The following MS4A7 variants were observed in gnomAD, a reference collection of about 807,000 sequenced individuals.
MS4A7 encodes the protein membrane spanning 4-domains A7.
MS4A7 carries 21 observed loss-of-function variants against 23.5 expected under a neutral mutation model. That is an observed-to-expected ratio of 0.89 (90% CI 0.63 to 1.29). The LOEUF is 1.29. Ranked by LOEUF, MS4A7 falls within the 50% of genes most tolerant of loss-of-function variation. The pLI is 0.00. For missense variants in MS4A7, 263 were observed against 274.2 expected, an observed-to-expected ratio of 0.96 and a Z score of 0.29; for synonymous variants, 111 against 107.4, an observed-to-expected ratio of 1.03 and a Z score of -0.21.
At position 60,385,077 on chromosome 11, in the gene MS4A7, C is replaced by T. The variant is rs878990131; in HGVS notation, c.148-11C>T. ...AAGTGCAGTCTAGATTTCCTGTCTT[C>T]TCTCTTGTAGACTGTCCAGATCCTG... On this transcript the variant is annotated splice_polypyrimidine_tract_variant and intron_variant, in intron 2 of 6. Transcript: ENST00000300184. The T allele has an allele frequency of 6.2e-7, 1 of 1,612,532 alleles. No individual in the cohort carries two copies.
At chr11:60,393,742 C>T (rs2085579318) in intron 6 of MS4A7, 45 bp from the exon 7 acceptor site, 1 of 1,481,742 alleles carries the variant, frequency 6.7e-7, no homozygotes, top group Non-Finnish European at 9.3e-7. Context: ...TTTTTAATCT[C>T]CGAAATCAAA....
chr11:60,390,580 G>C (rs2085540049), intron 5 of MS4A7, among the ~76,000 whole-genome samples: 1 of 152,170 alleles, frequency 6.6e-6, no homozygotes. Flanking sequence ...AAGTGGAAGA[G>C]CACAGAGACC....
chr11:60,381,805 G>T (rs750727084), intron 1 of MS4A7, among the ~76,000 whole-genome samples: 1 of 152,072 alleles, frequency 6.6e-6, no homozygotes, highest in Non-Finnish European at 1.5e-5. Context: ...GCAGTAACTG[G>T]TGGATATGGG....
At chr11:60,380,532 A>G (rs979960643) in intron 1 of MS4A7, among the ~76,000 whole-genome samples, 1 of 152,258 alleles carries the variant, frequency 6.6e-6, no homozygotes, top group Non-Finnish European at 1.5e-5. Flanking sequence ...TGAAAGTATC[A>G]ATTAAACTTT....
chr11:60,393,517 T>G (rs1040760851), intron 6 of MS4A7, among the ~76,000 whole-genome samples: 1 of 152,196 alleles, frequency 6.6e-6, no homozygotes, highest in Non-Finnish European at 1.5e-5. Context: ...TTTTAAAATA[T>G]TTTCATTTCC....
rs976321831 is a variant in MS4A7 at position 60,383,045 on chromosome 11, A to G, written c.-13-84A>G. 24 of 1,432,244 alleles carry G rather than the reference A, an allele frequency of 1.7e-5. No individual in the cohort carries two copies. The Admixed American group carries it at 3.0e-4, about 18-fold the overall frequency. The allele number at this position is 1,432,244 out of a possible 1,614,324, so 88.7% of individuals were successfully genotyped here. The stretch of plus-strand genomic sequence containing the variant: ...TGGAATAATGGCAAATACCTTCTTA[A>G]GTTCCTACAAAGTATGGTCCCTGGG... On this transcript the variant is annotated intron_variant, in intron 1 of 6. Transcript: ENST00000300184.
intron 3 of MS4A7, among the ~76,000 whole-genome samples, chr11:60,385,424 G>C (rs577250537): frequency 5.6e-4 from 86 of 152,326 alleles, no homozygotes; most frequent in Middle Eastern, 6.8e-3. Context: ...TGCAGAGCAG[G>C]GGGCAAGAGG....
At chr11:60,389,803 TG>T in intron 5 of MS4A7, 1 of 566,564 alleles carries the variant, frequency 1.8e-6, no homozygotes. Flanking sequence ...GAGGAAATCA[TG>T]AAGGACAGTA....
intron 1 of MS4A7, among the ~76,000 whole-genome samples, chr11:60,379,823 C>A (rs2085410796): frequency 6.6e-6 from 1 of 152,236 alleles, no homozygotes; most frequent in Admixed American, 6.5e-5. Context: ...GCATGAGCCG[C>A]TGCACCCAGC....
intron 4 of MS4A7, among the ~76,000 whole-genome samples, chr11:60,387,374 A>C (rs1427933849): frequency 6.6e-6 from 1 of 152,196 alleles, no homozygotes; most frequent in Non-Finnish European, 1.5e-5. Context: ...AAGTTGAAAG[A>C]AGTCCATGAT....
rs1335251673 is a variant in MS4A7 at position 60,378,661 on chromosome 11, A to G, written c.-17A>G. 3.3e-5 allele frequency: 5 copies of G among 152,250 alleles called. No individual in the cohort carries two copies. Among genetic ancestry groups the G allele is most frequent in the African/African-American group, 1.2e-4 (5 of 41,458 alleles). The allele number at this position is 152,250 out of a possible 1,614,324, so 9.4% of individuals were successfully genotyped here. A position where few individuals can be genotyped will look rare whatever the true frequency, so the allele number is the denominator to read the frequency against. On this transcript the variant is annotated 5_prime_UTR_variant, in exon 1 of 7. Transcript: ENST00000300184. The stretch of plus-strand genomic sequence containing the variant: ...CAGCACACAGGACCAGGCTGCGAGA[A>G]CAGGTAGACACCTTGGTTTAGATCA...
chr11:60,392,347 C>T (rs2085562348), intron 5 of MS4A7, among the ~76,000 whole-genome samples: 1 of 151,794 alleles, frequency 6.6e-6, no homozygotes, highest in African/African-American at 2.4e-5. Context: ...GCATTGAGAC[C>T]ACTGCAGGAT....
rs187388278 is a variant in MS4A7, at chr11:60,383,017, C to T, written c.-13-112C>T. 7.9e-5 allele frequency: 94 copies of T among 1,191,154 alleles called. No individual in the cohort carries two copies. In the African/African-American group the frequency reaches 1.4e-3, roughly 17 times the overall value. The allele number at this position is 1,191,154 out of a possible 1,614,324, so 73.8% of individuals were successfully genotyped here. Reference sequence around the variant, plus strand: ...TGTTTTGTTTCTGAAGGACAACCAGCCTTGGAATAATGGCAAATACCTTCT... The same window carrying T: ...TGTTTTGTTTCTGAAGGACAACCAGTCTTGGAATAATGGCAAATACCTTCT... On this transcript the variant is annotated intron_variant, in intron 1 of 6. Coordinates refer to ENST00000300184, the MANE Select transcript of MS4A7 (RefSeq NM_021201.5).
At position 60,380,053 on chromosome 11, in the gene MS4A7, T is replaced by A. The variant is rs1229144134; in HGVS notation, c.-14+1389T>A. Among the ~76,000 whole-genome samples, 5 of 152,252 alleles carry A rather than the reference T, an allele frequency of 3.3e-5. No individual in the cohort carries two copies. The South Asian group carries it at 8.3e-4, about 25-fold the overall frequency. ...TTCTAGGTGCCTCACATAAGTAGAATCATACAATATTTGTCCTTTTGTGAC... is the reference window on the plus strand; with the variant it reads ...TTCTAGGTGCCTCACATAAGTAGAAACATACAATATTTGTCCTTTTGTGAC... On this transcript the variant is annotated intron_variant, in intron 1 of 6. Transcript: ENST00000300184.
At chr11:60,385,836 GT>G (rs2085480124) in intron 3 of MS4A7, among the ~76,000 whole-genome samples, 1 of 152,174 alleles carries the variant, frequency 6.6e-6, no homozygotes, top group Non-Finnish European at 1.5e-5. Flanking sequence ...CCCACAAAGG[GT>G]TATTTCTTCT....
At position 60,394,184 on chromosome 11, in the gene MS4A7, A is replaced by C; in HGVS notation, c.*323A>C. ...TAGTGTGAATTTGGTAAGTTGCGTG[A>C]CTCTGCAGGCTGTTTCTGTATTATT... On this transcript the variant is annotated 3_prime_UTR_variant, in exon 7 of 7. Transcript: ENST00000300184. 5.1e-6 allele frequency: 1 copy of C among 195,560 alleles called. No individual in the cohort carries two copies. Among genetic ancestry groups the C allele is most frequent in the Non-Finnish European group, 1.0e-5 (1 of 97,350 alleles). 12.1% of individuals were successfully genotyped at this position (195,560 alleles called of 1,614,324 possible).
At chr11:60,383,037 CCTT>C in intron 1 of MS4A7, 89 bp from the exon 2 acceptor site, 1 of 1,377,656 alleles carries the variant, frequency 7.3e-7, no homozygotes, top group South Asian at 1.4e-5. Flanking sequence ...ATGGCAAATA[CCTT>C]CTTAAGTTCC....
At chr11:60,380,058 C>T (rs1044023076) in intron 1 of MS4A7, among the ~76,000 whole-genome samples, 2 of 152,206 alleles carry the variant, frequency 1.3e-5, no homozygotes, top group Admixed American at 1.3e-4. Flanking sequence ...TAGAATCATA[C>T]AATATTTGTC....
chr11:60,382,331 G>A (rs78192121), intron 1 of MS4A7, among the ~76,000 whole-genome samples: 7,069 of 152,318 alleles, frequency 0.046, 548 homozygotes, highest in African/African-American at 0.16. Context: ...ATCCAGTCAT[G>A]TAAACACAGG....
Sources: gnomAD v4.1 joint callset for allele counts (sites outside exome capture counted in the v4.1 genomes callset) on GRCh38, gnomAD v4.1.1 for gene constraint, MANE v1.5 for transcripts, NCBI Gene and HGNC (gene_info 2026-07-23, HGNC 2026-07-21) for gene names.